KIRREL3: variants seen among roughly 807,000 people sequenced by gnomAD.
KIRREL3 encodes kirre like nephrin family adhesion molecule 3, also known as kin of IRRE-like protein 3.
KIRREL3 carries 36 observed loss-of-function variants against 89.7 expected under a neutral mutation model. That is an observed-to-expected ratio of 0.40 (90% CI 0.31 to 0.53). The LOEUF (loss-of-function observed/expected upper bound fraction) is 0.53, where lower values mean the gene tolerates loss of function less well. Among genes scored for constraint, KIRREL3 ranks in the 20% least tolerant of loss-of-function variants. The pLI is 0.49. For missense variants in KIRREL3, 864 were observed against 1,056.6 expected, an observed-to-expected ratio of 0.82 and a Z score of 2.53; for synonymous variants, 445 against 441.4, an observed-to-expected ratio of 1.01 and a Z score of -0.10.
Position 126,431,571 on chromosome 11 carries a change from C to T in KIRREL3, c.1589-45G>A. ...ACAGCTGATGACGGATGGGGAATGG[C>T]CTACTATCCCCCCATGATCTCACCC... On this transcript the variant is annotated intron_variant, in intron 13 of 16. Transcript: ENST00000525144. The surrounding 1 kb of genome is among the most constrained non-coding windows in gnomAD (Gnocchi z 7.1). 1.3e-6 allele frequency: 2 copies of T among 1,561,848 alleles called. No homozygotes were observed. The highest frequency in any genetic ancestry group is 8.8e-7 in the Non-Finnish European group (1 of 1,139,120).
chr11:126,492,959 G>A lies in KIRREL3; in HGVS notation c.434-19493C>T, dbSNP rs1218502040. On this transcript the variant is annotated intron_variant, in intron 4 of 16. Transcript: ENST00000525144. This position sits in a 1 kb window ranked among gnomAD's most constrained non-coding sequence, Gnocchi z 4.8. ...AGAACTTCCTGGCCGTGGGCTGAGT[G>A]ACCCAAAAGGCCGTAGAACAGCCTC... Among the ~76,000 whole-genome samples the A allele has an allele frequency of 2.6e-5, 4 of 152,196 alleles. No homozygotes were observed. Among genetic ancestry groups the A allele is most frequent in the African/African-American group, 9.7e-5 (4 of 41,448 alleles).
At chr11:126,679,179 A>G (rs560471034) in intron 1 of KIRREL3, among the ~76,000 whole-genome samples, 25 of 152,298 alleles carry the variant, frequency 1.6e-4, no homozygotes, top group African/African-American at 6.0e-4. Flanking sequence ...TGAAAACGTA[A>G]CATGCCATGG....
At chr11:126,921,706 TTTTC>T (rs372955884) in intron 1 of KIRREL3, among the ~76,000 whole-genome samples, 9 of 151,492 alleles carry the variant, frequency 5.9e-5, no homozygotes, top group East Asian at 5.9e-4. Flanking sequence ...CTTTCTTTCT[TTTTC>T]TTTCTATCTA....
chr11:126,598,609 G>A (rs1942505763), intron 1 of KIRREL3, among the ~76,000 whole-genome samples: 1 of 152,320 alleles, frequency 6.6e-6, no homozygotes, highest in Non-Finnish European at 1.5e-5. Context: ...CCAGTGCTAA[G>A]GATGGGCTGC....
intron 7 of KIRREL3, among the ~76,000 whole-genome samples, chr11:126,451,310 G>GAT (rs1956127548): frequency 1.6e-5 from 2 of 123,352 alleles, no homozygotes; most frequent in African/African-American, 3.3e-5. Flanking sequence ...GCATGTGTGT[G>GAT]CATGTGGTTG....
In KIRREL3 at chr11:126,425,775, C is replaced by G; in HGVS notation, c.1807-51G>C. ...TAGATAGGAGGTGGCTAAACCTCCA[C>G]TTCCCCCAAGGAAAAGATGAGATCA... On this transcript the variant is annotated intron_variant, in intron 15 of 16. Transcript: ENST00000525144. 2.9e-6 allele frequency: 4 copies of G among 1,396,694 alleles called. No individual in the cohort carries two copies. The East Asian group carries it at 9.8e-5, about 34-fold the overall frequency. The allele number at this position is 1,396,694 out of a possible 1,614,324, so 86.5% of individuals were successfully genotyped here. A position where few individuals can be genotyped will look rare whatever the true frequency, so the allele number is the denominator to read the frequency against.
intron 1 of KIRREL3, among the ~76,000 whole-genome samples, chr11:126,810,921 T>A (rs1262925830): frequency 6.6e-6 from 1 of 152,074 alleles, no homozygotes; most frequent in Non-Finnish European, 1.5e-5. Flanking sequence ...CCGGGCTCTC[T>A]CCCTGACAGC....
chr11:126,622,413 T>C lies in KIRREL3; in HGVS notation c.56-59501A>G, dbSNP rs1943609910. ...GGAGTCGGTTCTGGCTTGTGAGCCA[T>C]GGTGCTACTGGTCCCTCTGGAGGAA... is the stretch of plus-strand genomic sequence containing the variant. On this transcript the variant is annotated intron_variant, in intron 1 of 16. Coordinates refer to ENST00000525144, the MANE Select transcript of KIRREL3 (RefSeq NM_032531.4). The surrounding 1 kb of genome is among the most constrained non-coding windows in gnomAD (Gnocchi z 5.2). Among the ~76,000 whole-genome samples the C allele has an allele frequency of 1.3e-5, 2 of 152,184 alleles. No homozygotes were observed. Among genetic ancestry groups the C allele is most frequent in the Non-Finnish European group, 1.5e-5 (1 of 68,030 alleles).
chr11:126,545,164 C>T (rs1938711544), intron 2 of KIRREL3, among the ~76,000 whole-genome samples: 1 of 152,080 alleles, frequency 6.6e-6, no homozygotes, highest in Non-Finnish European at 1.5e-5. Flanking sequence ...GGTGGGGCGG[C>T]AGGTTTAAAA....
intron 1 of KIRREL3, among the ~76,000 whole-genome samples, chr11:126,793,286 T>C (rs1379297533): frequency 6.6e-6 from 1 of 152,146 alleles, no homozygotes; most frequent in Non-Finnish European, 1.5e-5. Context: ...CTGGGGACCA[T>C]GGGTCTTATT....
intron 1 of KIRREL3, among the ~76,000 whole-genome samples, chr11:126,838,205 A>T (rs1219423202): frequency 6.6e-6 from 1 of 152,226 alleles, no homozygotes; most frequent in Non-Finnish European, 1.5e-5. Context: ...AAGCAATTTG[A>T]ACGACCCATC....
chr11:126,480,955 G>A (rs1411087589), intron 4 of KIRREL3, among the ~76,000 whole-genome samples: 2 of 152,206 alleles, frequency 1.3e-5, no homozygotes, highest in Non-Finnish European at 2.9e-5. Flanking sequence ...AGGATGTAGA[G>A]ACAAGAGGGA....
chr11:126,809,956 A>G (rs1258483642), intron 1 of KIRREL3, among the ~76,000 whole-genome samples: 2 of 152,126 alleles, frequency 1.3e-5, no homozygotes, highest in East Asian at 3.9e-4. Context: ...TAGGTGTGAA[A>G]AAGTTATCTC....
chr11:126,715,640 C>A lies in KIRREL3; in HGVS notation c.56-152728G>T, dbSNP rs1231470221. On this transcript the variant is annotated intron_variant, in intron 1 of 16. Coordinates refer to ENST00000525144, the MANE Select transcript of KIRREL3 (RefSeq NM_032531.4). This position sits in a 1 kb window ranked among gnomAD's most constrained non-coding sequence, Gnocchi z 4.4. The stretch of plus-strand genomic sequence containing the variant: ...AAATCAAAAACAAGAGGAAAAGGGA[C>A]TACAGCACGTGAAACATACTAAAGA... 6.6e-6 allele frequency among the ~76,000 whole-genome samples: 1 copy of A among 151,962 alleles called. No individual in the cohort carries two copies. The highest frequency in any genetic ancestry group is 1.5e-5 in the Non-Finnish European group (1 of 68,020).
At chr11:126,442,276 A>C (rs558566252) in intron 10 of KIRREL3, among the ~76,000 whole-genome samples, 22 of 143,928 alleles carry the variant, frequency 1.5e-4, no homozygotes, top group South Asian at 4.4e-4. Context: ...AAAAAAACAA[A>C]AAAAAAACAA....
chr11:126,548,003 G>A (rs994231970), intron 2 of KIRREL3, among the ~76,000 whole-genome samples: 2 of 152,160 alleles, frequency 1.3e-5, no homozygotes, highest in African/African-American at 2.4e-5. Flanking sequence ...ACTTTGTGAC[G>A]TGGTGAGGAT....
chr11:126,597,506 C>T (rs1226836079), intron 1 of KIRREL3, among the ~76,000 whole-genome samples: 1 of 152,172 alleles, frequency 6.6e-6, no homozygotes, highest in Non-Finnish European at 1.5e-5. Flanking sequence ...CTTGAAATGT[C>T]ACAGGAAGAA....
intron 1 of KIRREL3, among the ~76,000 whole-genome samples, chr11:126,833,671 C>T (rs1453361055): frequency 6.6e-6 from 1 of 152,188 alleles, no homozygotes; most frequent in African/African-American, 2.4e-5. Flanking sequence ...ACCTTTAGCC[C>T]CCGAGTGCTG....
In KIRREL3 at chr11:126,570,381, G is replaced by A. The variant is rs1940836585; in HGVS notation, c.56-7469C>T. Among the ~76,000 whole-genome samples the A allele has an allele frequency of 1.3e-5, 2 of 152,078 alleles. No homozygotes were observed. Among genetic ancestry groups the A allele is most frequent in the East Asian group, 1.9e-4 (1 of 5,200 alleles). ...ACATACCAATTAAATTCATATAAGA[G>A]GAATCTGAAACAGCTGTGGTCTTAA... On this transcript the variant is annotated intron_variant, in intron 1 of 16. Transcript: ENST00000525144. This position sits in a 1 kb window ranked among gnomAD's most constrained non-coding sequence, Gnocchi z 6.1.
Sources: allele counts gnomAD v4.1 joint callset (sites outside exome capture counted in the v4.1 genomes callset), GRCh38; gene constraint gnomAD v4.1.1; non-coding constraint Gnocchi (gnomAD v3.1); transcripts MANE v1.5; gene names NCBI Gene and HGNC (gene_info 2026-07-23, HGNC 2026-07-21).